PRRX2: variants seen among roughly 807,000 people sequenced by gnomAD.
The protein encoded by PRRX2 is paired related homeobox 2.
A neutral mutation model predicts 18.0 loss-of-function variants in PRRX2; 11 were observed. The ratio of observed to expected loss-of-function variants is 0.61; its 90% CI spans 0.39 to 1.01. The LOEUF (loss-of-function observed/expected upper bound fraction) is 1.01. PRRX2 is among the 50% of genes least tolerant of loss of function. PRRX2 has a pLI of 0.01. For missense variants in PRRX2, 387 were observed against 351.0 expected (o/e 1.10, Z -0.82); for synonymous variants, 177 against 154.8 (o/e 1.14, Z -1.06).
At chr9:129,711,304 C>T (rs1482019935) in intron 1 of PRRX2, among the ~76,000 whole-genome samples, 1 of 151,962 alleles carries the variant, frequency 6.6e-6, no homozygotes, top group Non-Finnish European at 1.5e-5. Flanking sequence ...TCAGTTTCCT[C>T]CTACGTAAAA....
intron 1 of PRRX2, among the ~76,000 whole-genome samples, chr9:129,668,027 G>T (rs956335709): frequency 1.3e-5 from 2 of 152,216 alleles, no homozygotes; most frequent in Admixed American, 6.5e-5. Context: ...GGAGGCGCTC[G>T]TGGGCTGGTC....
chr9:129,677,281 A>T (rs1274413363), intron 1 of PRRX2, among the ~76,000 whole-genome samples: 2 of 152,234 alleles, frequency 1.3e-5, no homozygotes, highest in Non-Finnish European at 2.9e-5. Flanking sequence ...GAGAGAGGTG[A>T]AGCTTTATCC....
chr9:129,711,307 A>G (rs899503809), intron 1 of PRRX2, among the ~76,000 whole-genome samples: 1 of 150,658 alleles, frequency 6.6e-6, no homozygotes, highest in East Asian at 1.9e-4. Flanking sequence ...GTTTCCTCCT[A>G]CGTAAAATGG....
At chr9:129,710,181 C>A (rs1295920077) in intron 1 of PRRX2, among the ~76,000 whole-genome samples, 2 of 152,102 alleles carry the variant, frequency 1.3e-5, no homozygotes, top group African/African-American at 4.8e-5. Context: ...GGCAGGGGTC[C>A]ATGGTGAGAG....
chr9:129,698,257 C>CGGGGGGGGGGGGGGGGGGGGGGGGG (rs56233939), intron 1 of PRRX2, among the ~76,000 whole-genome samples: 1 of 20,600 alleles, frequency 4.9e-5, no homozygotes, highest in African/African-American at 1.5e-4. Flanking sequence ...TTGGATGGGG[C>CGGGGGGGGGGGGGGGGGGGGGGGGG]GGGGGGGGGG....
At chr9:129,692,892 C>T (rs1283304766) in intron 1 of PRRX2, among the ~76,000 whole-genome samples, 3 of 152,150 alleles carry the variant, frequency 2.0e-5, no homozygotes, top group Non-Finnish European at 4.4e-5. Context: ...CAGAAGTTTC[C>T]ACCTCATTTG....
intron 1 of PRRX2, among the ~76,000 whole-genome samples, chr9:129,712,151 A>G (rs1331782041): frequency 6.6e-6 from 1 of 152,224 alleles, no homozygotes; most frequent in East Asian, 1.9e-4. Context: ...TCGAGGTCCC[A>G]AGGACCCGTT....
At chr9:129,697,373 CG>C (rs1440430593) in intron 1 of PRRX2, among the ~76,000 whole-genome samples, 1 of 151,880 alleles carries the variant, frequency 6.6e-6, no homozygotes, top group African/African-American at 2.4e-5. Context: ...CGCGCACCCT[CG>C]GAGCAGCTGG....
chr9:129,710,212 A>C (rs1832602114), intron 1 of PRRX2, among the ~76,000 whole-genome samples: 1 of 152,108 alleles, frequency 6.6e-6, no homozygotes, highest in Non-Finnish European at 1.5e-5. Context: ...GTGTGATGCA[A>C]GCAGTGACCC....
At chr9:129,679,617 G>A (rs1268667440) in intron 1 of PRRX2, among the ~76,000 whole-genome samples, 1 of 152,202 alleles carries the variant, frequency 6.6e-6, no homozygotes, top group Admixed American at 6.5e-5. Flanking sequence ...CCGACCTGGA[G>A]TCCCTGGATT....
intron 3 of PRRX2, among the ~76,000 whole-genome samples, chr9:129,721,387 C>T (rs1315781932): frequency 6.6e-6 from 1 of 152,072 alleles, no homozygotes; most frequent in African/African-American, 2.4e-5. Flanking sequence ...GAGAGTCGGG[C>T]CACCATACCC....
intron 1 of PRRX2, among the ~76,000 whole-genome samples, chr9:129,679,439 T>C (rs1832201162): frequency 6.6e-6 from 1 of 152,160 alleles, no homozygotes; most frequent in African/African-American, 2.4e-5. Flanking sequence ...TGCTACACCC[T>C]CTGCATGGAT....
At position 129,715,750 on chromosome 9, in the gene PRRX2, T is replaced by TCTCTCTCACA. The variant is rs762929485; in HGVS notation, c.260-3480_260-3479insTCTCTCACAC. ...AAACCCAGCTTCAGGGACATCTTTC[T>TCTCTCTCACA]CACACACACACACACACACACACAC... On this transcript the variant is annotated intron_variant, in intron 1 of 3. Coordinates refer to ENST00000372469, the MANE Select transcript of PRRX2 (RefSeq NM_016307.4). The surrounding 1 kb of genome is among the most constrained non-coding windows in gnomAD (Gnocchi z 4.0). Among the ~76,000 whole-genome samples the TCTCTCTCACA allele has an allele frequency of 1.4e-4, 19 of 138,952 alleles. No individual in the cohort carries two copies. The highest frequency in any genetic ancestry group is 6.6e-4 in the Admixed American group (9 of 13,684). The allele number at this position is 138,952 out of a possible 152,430, so 91.2% of individuals were successfully genotyped here. A position where few individuals can be genotyped will look rare whatever the true frequency, so the allele number is the denominator to read the frequency against.
chr9:129,684,427 A>AACACAC (rs72324782), intron 1 of PRRX2, among the ~76,000 whole-genome samples: 1,796 of 82,978 alleles, frequency 0.022, 53 homozygotes, highest in African/African-American at 0.077. Context: ...ACACAGATAC[A>AACACAC]ACACACACAC....
intron 1 of PRRX2, among the ~76,000 whole-genome samples, chr9:129,669,288 GAACA>G (rs1370992210): frequency 6.6e-6 from 1 of 152,242 alleles, no homozygotes; most frequent in Non-Finnish European, 1.5e-5. Context: ...CAGTGACTCA[GAACA>G]AACCAGGGTC....
chr9:129,683,628 G>T (rs963912319), intron 1 of PRRX2, among the ~76,000 whole-genome samples: 1 of 152,100 alleles, frequency 6.6e-6, no homozygotes, highest in East Asian at 1.9e-4. Context: ...CCAACTACTC[G>T]GGAGGCTGAG....
Position 129,722,406 on chromosome 9 carries a change from G to A in PRRX2, c.*54G>A, listed in dbSNP as rs1832805868. 6.3e-7 allele frequency: 1 copy of A among 1,593,928 alleles called. No homozygotes were observed. The highest frequency in any genetic ancestry group is 1.3e-5 in the African/African-American group (1 of 74,248). On this transcript the variant is annotated 3_prime_UTR_variant, in exon 4 of 4. Transcript: ENST00000372469. Reference sequence around the variant, plus strand: ...TCCCTGGGTGGACAGCAATAGAAAAGGGGGCAGACGCCCAGGAAGTGACCT... The same window carrying A: ...TCCCTGGGTGGACAGCAATAGAAAAAGGGGCAGACGCCCAGGAAGTGACCT...
chr9:129,710,835 A>C (rs1832609377), intron 1 of PRRX2, among the ~76,000 whole-genome samples: 1 of 151,950 alleles, frequency 6.6e-6, no homozygotes, highest in Non-Finnish European at 1.5e-5. Context: ...AAGCCCCGGG[A>C]TCCTTCTCCA....
At chr9:129,708,707 T>A (rs1225113462) in intron 1 of PRRX2, among the ~76,000 whole-genome samples, 1 of 152,256 alleles carries the variant, frequency 6.6e-6, no homozygotes, top group African/African-American at 2.4e-5. Context: ...TGCTTGTGTT[T>A]TTGATGTCAC....
Sources: allele counts gnomAD v4.1 joint callset (sites outside exome capture counted in the v4.1 genomes callset), GRCh38; gene constraint gnomAD v4.1.1; non-coding constraint Gnocchi (gnomAD v3.1); transcripts MANE v1.5; gene names NCBI Gene and HGNC (gene_info 2026-07-23, HGNC 2026-07-21).